CTNNA3: variants seen among roughly 807,000 people sequenced by gnomAD.
The protein encoded by CTNNA3 is catenin alpha 3, also known as catenin alpha-3.
In CTNNA3, 76 loss-of-function variants were observed where a neutral mutation model predicts 95.7. The ratio of observed to expected loss-of-function variants is 0.79; its 90% CI spans 0.66 to 0.96. The LOEUF is 0.96. Ranked by LOEUF, CTNNA3 falls within the 40% of genes least tolerant of loss-of-function variation. CTNNA3 has a pLI of 0.00. For missense variants in CTNNA3, 1,191 were observed against 1,089.8 expected (o/e 1.09, Z -1.31); for synonymous variants, 431 against 374.4 (o/e 1.15, Z -1.74).
At chr10:67,450,476 T>G (rs1846936103) in intron 5 of CTNNA3, among the ~76,000 whole-genome samples, 1 of 152,180 alleles carries the variant, frequency 6.6e-6, no homozygotes, top group Non-Finnish European at 1.5e-5. Flanking sequence ...TCATGTCTTT[T>G]GAAGGGACAT....
At chr10:66,581,108 T>C (rs1227954185) in intron 10 of CTNNA3, among the ~76,000 whole-genome samples, 1 of 151,814 alleles carries the variant, frequency 6.6e-6, no homozygotes, top group Non-Finnish European at 1.5e-5. Flanking sequence ...TAGTATTCCA[T>C]GATAACATAC....
At chr10:66,774,300 C>T (rs575150239) in intron 8 of CTNNA3, among the ~76,000 whole-genome samples, 4 of 152,010 alleles carry the variant, frequency 2.6e-5, no homozygotes, top group African/African-American at 9.7e-5. Flanking sequence ...GGGAGGATCG[C>T]TCTGAGGATA....
intron 5 of CTNNA3, among the ~76,000 whole-genome samples, chr10:67,377,926 G>GGCTGGAGTAGTA (rs1843758716): frequency 6.6e-6 from 1 of 151,880 alleles, no homozygotes; most frequent in African/African-American, 2.4e-5. Flanking sequence ...CTGTCACCCA[G>GGCTGGAGTAGTA]GCTGGAGTAG....
chr10:67,446,964 G>A (rs1846774372), intron 5 of CTNNA3, among the ~76,000 whole-genome samples: 1 of 152,140 alleles, frequency 6.6e-6, no homozygotes, highest in Non-Finnish European at 1.5e-5. Context: ...TATTAGCCGG[G>A]CGTGGTGGCG....
At chr10:67,313,470 T>C (rs1274411140) in intron 5 of CTNNA3, among the ~76,000 whole-genome samples, 2 of 151,844 alleles carry the variant, frequency 1.3e-5, no homozygotes, top group Admixed American at 6.6e-5. Context: ...AAATAAACTT[T>C]AGCATTTCTC....
chr10:66,118,913 T>A (rs2082452931), intron 13 of CTNNA3, among the ~76,000 whole-genome samples: 1 of 152,076 alleles, frequency 6.6e-6, no homozygotes, highest in Non-Finnish European at 1.5e-5. Flanking sequence ...ATATTTATTA[T>A]TACTATTTTT....
rs10491060 is a variant in CTNNA3, at chr10:66,955,284, T to C, written c.1048-179760A>G. 0.025 allele frequency among the ~76,000 whole-genome samples: 3,844 copies of C among 152,214 alleles called. 389 individuals are homozygous for C. In the East Asian group the frequency reaches 0.36, roughly 14 times the overall value. ...AGAATAGGAAGAAAAAGATAACGAT[T>C]ATTTTGTGGTATCATTGTATCATGA... is the stretch of plus-strand genomic sequence containing the variant. On this transcript the variant is annotated intron_variant, in intron 7 of 17. Transcript: ENST00000433211.
chr10:66,285,002 T>C (rs925766090), intron 12 of CTNNA3, among the ~76,000 whole-genome samples: 3 of 151,920 alleles, frequency 2.0e-5, no homozygotes, highest in African/African-American at 4.8e-5. Flanking sequence ...GCCAATATTA[T>C]GTATCAAGAA....
chr10:67,127,260 A>G (rs1010891728), intron 7 of CTNNA3, among the ~76,000 whole-genome samples: 3 of 152,216 alleles, frequency 2.0e-5, no homozygotes, highest in African/African-American at 7.2e-5. Flanking sequence ...AGAGATACTG[A>G]CATAGTCTGG....
chr10:67,661,331 A>G (rs1346200049), intron 1 of CTNNA3, among the ~76,000 whole-genome samples: 1 of 151,898 alleles, frequency 6.6e-6, no homozygotes, highest in Non-Finnish European at 1.5e-5. Flanking sequence ...GGAAGGGAAG[A>G]AAGTCAGGAA....
chr10:66,910,353 A>G (rs965443449), intron 7 of CTNNA3, among the ~76,000 whole-genome samples: 2 of 152,178 alleles, frequency 1.3e-5, no homozygotes, highest in Non-Finnish European at 2.9e-5. Flanking sequence ...TTTGTCCTTC[A>G]TGGCCTCGCT....
intron 6 of CTNNA3, among the ~76,000 whole-genome samples, chr10:67,206,242 G>A (rs943394339): frequency 6.6e-6 from 1 of 152,156 alleles, no homozygotes; most frequent in Non-Finnish European, 1.5e-5. Flanking sequence ...TTTATCTTGA[G>A]AACATGTATC....
intron 2 of CTNNA3, among the ~76,000 whole-genome samples, chr10:67,625,619 A>T (rs1017972502): frequency 1.3e-5 from 2 of 152,334 alleles, no homozygotes; most frequent in Non-Finnish European, 2.9e-5. Flanking sequence ...ATTCGTACCT[A>T]TTTTTAAAAA....
chr10:66,849,821 G>A (rs917440434), intron 7 of CTNNA3, among the ~76,000 whole-genome samples: 2 of 152,300 alleles, frequency 1.3e-5, no homozygotes, highest in Admixed American at 6.5e-5. Flanking sequence ...CACCAAGCTT[G>A]TAGTACTTTG....
intron 3 of CTNNA3, among the ~76,000 whole-genome samples, chr10:67,602,236 T>G (rs980231186): frequency 1.3e-5 from 2 of 152,138 alleles, no homozygotes; most frequent in African/African-American, 4.8e-5. Flanking sequence ...AAAATATGTT[T>G]CAAGTATTTT....
chr10:67,198,306 G>C (rs1027991589), intron 6 of CTNNA3, among the ~76,000 whole-genome samples: 2 of 152,112 alleles, frequency 1.3e-5, no homozygotes, highest in Non-Finnish European at 2.9e-5. Flanking sequence ...GGTATCTTTG[G>C]AGAAAGCACT....
intron 5 of CTNNA3, among the ~76,000 whole-genome samples, chr10:67,512,511 G>T (rs1839668624): frequency 6.6e-6 from 1 of 152,142 alleles, no homozygotes; most frequent in African/African-American, 2.4e-5. Context: ...TACTTTAAAG[G>T]TTTAGACGAC....
intron 13 of CTNNA3, among the ~76,000 whole-genome samples, chr10:66,195,404 A>C (rs2086899832): frequency 6.6e-6 from 1 of 152,124 alleles, no homozygotes; most frequent in African/African-American, 2.4e-5. Context: ...GATTATGAGT[A>C]CTCTCTGATA....
intron 14 of CTNNA3, among the ~76,000 whole-genome samples, chr10:66,102,746 G>A (rs1430417754): frequency 6.6e-6 from 1 of 151,928 alleles, no homozygotes; most frequent in Non-Finnish European, 1.5e-5. Flanking sequence ...TTTGGGGGCA[G>A]GCACAGGAGA....
Sources: gnomAD v4.1 joint callset for allele counts (sites outside exome capture counted in the v4.1 genomes callset) on GRCh38, gnomAD v4.1.1 for gene constraint, MANE v1.5 for transcripts, NCBI Gene and HGNC (gene_info 2026-07-23, HGNC 2026-07-21) for gene names.